CDH4: variants seen among roughly 807,000 people sequenced by gnomAD.
CDH4 encodes the protein cadherin 4, also known as cadherin-4.
A neutral mutation model predicts 86.0 loss-of-function variants in CDH4; 33 were observed. That is an observed-to-expected ratio of 0.38 (90% CI 0.29 to 0.51). The LOEUF (loss-of-function observed/expected upper bound fraction) is 0.51. Among genes scored for constraint, CDH4 ranks in the 20% least tolerant of loss-of-function variants. The probability of loss-of-function intolerance (pLI) is 0.86; values close to 1 mark genes in which losing one functional copy is unlikely to be tolerated. For missense variants in CDH4, 1,114 were observed against 1,307.4 expected (o/e 0.85, Z 2.28); for synonymous variants, 555 against 549.4 (o/e 1.01, Z -0.14).
intron 2 of CDH4, among the ~76,000 whole-genome samples, chr20:61,458,625 G>C (rs952222429): frequency 7.2e-5 from 11 of 152,046 alleles, no homozygotes; most frequent in Non-Finnish European, 1.5e-4. Flanking sequence ...ACTGGTGACA[G>C]TAGTGGTATT....
chr20:61,851,084 G>A (rs1982703267), intron 5 of CDH4, among the ~76,000 whole-genome samples: 1 of 152,246 alleles, frequency 6.6e-6, no homozygotes, highest in Non-Finnish European at 1.5e-5. Context: ...AGATGGGTCG[G>A]GGATGGGGGA....
intron 2 of CDH4, among the ~76,000 whole-genome samples, chr20:61,255,439 C>A (rs2081975809): frequency 6.6e-6 from 1 of 152,216 alleles, no homozygotes; most frequent in Admixed American, 6.5e-5. Context: ...AGGATTATAT[C>A]CACACTTGTG....
At chr20:61,557,276 A>G (rs936924981) in intron 2 of CDH4, among the ~76,000 whole-genome samples, 3 of 152,218 alleles carry the variant, frequency 2.0e-5, no homozygotes, top group African/African-American at 7.2e-5. Flanking sequence ...GTAGCACAAA[A>G]GCAGCTGTTG....
intron 2 of CDH4, among the ~76,000 whole-genome samples, chr20:61,414,921 G>T (rs1191449275): frequency 6.6e-6 from 1 of 152,214 alleles, no homozygotes; most frequent in African/African-American, 2.4e-5. Flanking sequence ...CCCCATGCAT[G>T]CAGTGGGGGT....
intron 7 of CDH4, among the ~76,000 whole-genome samples, chr20:61,877,152 C>T (rs1430378057): frequency 1.3e-5 from 2 of 152,186 alleles, no homozygotes; most frequent in African/African-American, 4.8e-5. Context: ...TGCCCAGCCT[C>T]CTGGGCTCAG....
At chr20:61,584,665 G>A (rs926825775) in intron 2 of CDH4, among the ~76,000 whole-genome samples, 6 of 152,164 alleles carry the variant, frequency 3.9e-5, no homozygotes, top group African/African-American at 9.7e-5. Context: ...AATATAACAC[G>A]AGCTCAGCAG....
At chr20:61,556,218 C>T (rs563833389) in intron 2 of CDH4, among the ~76,000 whole-genome samples, 26 of 152,132 alleles carry the variant, frequency 1.7e-4, no homozygotes, top group Non-Finnish European at 1.5e-4. Flanking sequence ...AAAATCTATC[C>T]ACCCAGGGCC....
At chr20:61,396,805 G>A (rs556824902) in intron 2 of CDH4, among the ~76,000 whole-genome samples, 75 of 152,348 alleles carry the variant, frequency 4.9e-4, no homozygotes, top group African/African-American at 1.8e-3. Context: ...GATGCCGGGG[G>A]CTGGAAGCCC....
At chr20:61,915,756 A>G (rs1403003784) in intron 9 of CDH4, among the ~76,000 whole-genome samples, 1 of 152,188 alleles carries the variant, frequency 6.6e-6, no homozygotes, top group African/African-American at 2.4e-5. Flanking sequence ...AGGGACTGCA[A>G]AGGCACAGCA....
chr20:61,885,149 TGTG>T (rs1439822738), intron 7 of CDH4, among the ~76,000 whole-genome samples: 3 of 152,228 alleles, frequency 2.0e-5, no homozygotes, highest in African/African-American at 7.2e-5. Context: ...CGTTCGTGCC[TGTG>T]CCTTGAGAGG....
intron 2 of CDH4, among the ~76,000 whole-genome samples, chr20:61,503,239 G>A (rs187416789): frequency 2.0e-5 from 3 of 152,270 alleles, no homozygotes; most frequent in Non-Finnish European, 2.9e-5. Flanking sequence ...GAAGCTCAAC[G>A]TGGGCCCACA....
intron 2 of CDH4, among the ~76,000 whole-genome samples, chr20:61,322,244 A>C (rs1292543333): frequency 6.6e-6 from 1 of 152,030 alleles, no homozygotes; most frequent in Non-Finnish European, 1.5e-5. Flanking sequence ...ACTACCCCCC[A>C]TCCCCTCCAA....
rs1034074226 is a variant in CDH4 at position 61,923,626 on chromosome 20, A to T, written c.1550A>T (p.Glu517Val). 1 of 1,614,018 alleles carries T rather than the reference A, an allele frequency of 6.2e-7. No individual in the cohort carries two copies. The highest frequency in any genetic ancestry group is 1.3e-5 in the African/African-American group (1 of 74,938). Residue 517 changes from glutamate to valine, a missense_variant, in exon 10 of 16, where the codon GAG (glutamate) becomes GTG (valine). Transcript: ENST00000614565. Reference protein sequence around the residue: ...FPSNHKLIRLEEGVPPGTVLT... With the variant: ...FPSNHKLIRLVEGVPPGTVLT... ...TCAAACCACAAGCTGATCCGCCTGGAGGAGGGCGTGCCCCCCGGCACCGTG... is the reference window on the plus strand; with the variant it reads ...TCAAACCACAAGCTGATCCGCCTGGTGGAGGGCGTGCCCCCCGGCACCGTG...
chr20:61,744,862 G>T (rs912225691), intron 3 of CDH4, among the ~76,000 whole-genome samples: 2 of 152,206 alleles, frequency 1.3e-5, no homozygotes, highest in African/African-American at 4.8e-5. Flanking sequence ...GGTCCCCTTC[G>T]CCTTGAGTGT....
intron 4 of CDH4, among the ~76,000 whole-genome samples, chr20:61,802,268 CAGAG>C (rs1789938901): frequency 6.6e-6 from 1 of 152,242 alleles, no homozygotes; most frequent in East Asian, 1.9e-4. Flanking sequence ...ACAACAGTCT[CAGAG>C]AGGTCAGGAT....
intron 2 of CDH4, among the ~76,000 whole-genome samples, chr20:61,655,995 G>A (rs1344871731): frequency 6.6e-6 from 1 of 152,140 alleles, no homozygotes; most frequent in Non-Finnish European, 1.5e-5. Context: ...ATCGTGAACA[G>A]TCCTGAAGGG....
At chr20:61,371,369 C>A (rs372326756) in intron 2 of CDH4, among the ~76,000 whole-genome samples, 102 of 152,206 alleles carry the variant, frequency 6.7e-4, no homozygotes, top group South Asian at 2.1e-3. Flanking sequence ...CCTGGGGCAG[C>A]CCTTGGTGTC....
chr20:61,719,209 G>C (rs1040432598), intron 2 of CDH4: 10 of 428,956 alleles, frequency 2.3e-5, no homozygotes, highest in African/African-American at 6.2e-5. Context: ...TTTAAGTCTT[G>C]GTAGTTTTTG....
intron 2 of CDH4, among the ~76,000 whole-genome samples, chr20:61,598,735 G>A (rs989218112): frequency 2.0e-5 from 3 of 152,128 alleles, no homozygotes; most frequent in East Asian, 1.9e-4. Context: ...TCTTCTCCAC[G>A]CGTCCCAGAG....
Sources: allele counts gnomAD v4.1 joint callset (sites outside exome capture counted in the v4.1 genomes callset), GRCh38; gene constraint gnomAD v4.1.1; transcripts MANE v1.5; gene names NCBI Gene and HGNC (gene_info 2026-07-23, HGNC 2026-07-21).